Variants in SGMS2 observed in about 807,000 individuals in gnomAD.
SGMS2 encodes the protein phosphatidylcholine:ceramide cholinephosphotransferase 2.
SGMS2 carries 21 observed loss-of-function variants against 43.8 expected under a neutral mutation model. The observed-to-expected ratio is 0.48, with a 90% CI of 0.34 to 0.69. The LOEUF is 0.69. SGMS2 is among the 30% of genes least tolerant of loss of function. The pLI is 0.01. For missense variants in SGMS2, 384 were observed against 443.2 expected, an observed-to-expected ratio of 0.87 and a Z score of 1.20; for synonymous variants, 167 against 160.6, an observed-to-expected ratio of 1.04 and a Z score of -0.30.
rs1358174694 is a variant in SGMS2 at position 107,913,928 on chromosome 4, G to A, written c.*3375G>A. 1.3e-5 allele frequency: 2 copies of A among 152,022 alleles called. No individual in the cohort carries two copies. Among genetic ancestry groups the A allele is most frequent in the Non-Finnish European group, 2.9e-5 (2 of 67,988 alleles). 9.4% of individuals were successfully genotyped at this position (152,022 alleles called of 1,614,324 possible). ...TTCTTTTTTGTTTTTGTTTTGCACT[G>A]TAAAACTGATGAAAACTTTAAGCCA... On this transcript the variant is annotated 3_prime_UTR_variant, in exon 7 of 7. Coordinates refer to ENST00000690982, the MANE Select transcript of SGMS2 (RefSeq NM_001375905.1).
At chr4:107,843,242 C>G (rs536730004) in intron 1 of SGMS2, among the ~76,000 whole-genome samples, 1 of 151,860 alleles carries the variant, frequency 6.6e-6, no homozygotes, top group African/African-American at 2.4e-5. Flanking sequence ...TTCTGAGAAT[C>G]CTTTGATCCC....
intron 1 of SGMS2, among the ~76,000 whole-genome samples, chr4:107,855,982 T>C (rs1727406906): frequency 6.6e-6 from 1 of 152,082 alleles, no homozygotes; most frequent in African/African-American, 2.4e-5. Context: ...AAGTGTGGAG[T>C]TGGCCTTCAG....
At chr4:107,867,125 C>T (rs1728187538) in intron 2 of SGMS2, 2 of 152,206 alleles carry the variant, frequency 1.3e-5, no homozygotes, top group African/African-American at 4.8e-5. Flanking sequence ...CCTGAAGACA[C>T]ATGCACATGG....
At chr4:107,851,965 G>A (rs1408349131) in intron 1 of SGMS2, among the ~76,000 whole-genome samples, 2 of 152,022 alleles carry the variant, frequency 1.3e-5, no homozygotes, top group African/African-American at 2.4e-5. Context: ...CAGACTGAAT[G>A]CCTTTATTTG....
intron 1 of SGMS2, among the ~76,000 whole-genome samples, chr4:107,856,441 C>T (rs1439385495): frequency 2.0e-5 from 3 of 152,096 alleles, no homozygotes; most frequent in South Asian, 2.1e-4. Context: ...GGTTTGGCTA[C>T]GTAACTGAAT....
intron 1 of SGMS2, among the ~76,000 whole-genome samples, chr4:107,826,459 C>T (rs887754069): frequency 2.0e-5 from 3 of 152,182 alleles, no homozygotes; most frequent in Non-Finnish European, 4.4e-5. Context: ...CTGCCATTTA[C>T]TGTTTAAACA....
chr4:107,845,909 A>T lies in SGMS2; in HGVS notation c.-326-12563A>T, dbSNP rs141677394. ...ATAGGAGGCAGCAATGGAGTTACAG[A>T]TCTAAATGTTATGCCACCAAATGGA... On this transcript the variant is annotated intron_variant, in intron 1 of 6. Coordinates refer to ENST00000690982, the MANE Select transcript of SGMS2 (RefSeq NM_001375905.1). Among the ~76,000 whole-genome samples the T allele has an allele frequency of 5.6e-3, 860 of 152,324 alleles. 8 individuals are homozygous for T. Among genetic ancestry groups the T allele is most frequent in the African/African-American group, 0.02 (825 of 41,570 alleles).
At position 107,914,258 on chromosome 4, in the gene SGMS2, G is replaced by A. The variant is rs943824249; in HGVS notation, c.*3705G>A. The A allele has an allele frequency of 6.6e-6, 1 of 151,962 alleles. No individual in the cohort carries two copies. Among genetic ancestry groups the A allele is most frequent in the Admixed American group, 6.6e-5 (1 of 15,254 alleles). The allele number at this position is 151,962 out of a possible 1,614,324, so 9.4% of individuals were successfully genotyped here. A position where few individuals can be genotyped will look rare whatever the true frequency, so the allele number is the denominator to read the frequency against. Reference sequence around the variant, plus strand: ...TTTTATACAGATACACACCTTATAAGTTCTGATTTATTTTCTTACTCATTA... The same window carrying A: ...TTTTATACAGATACACACCTTATAAATTCTGATTTATTTTCTTACTCATTA... On this transcript the variant is annotated 3_prime_UTR_variant, in exon 7 of 7. Transcript: ENST00000690982.
intron 1 of SGMS2, among the ~76,000 whole-genome samples, chr4:107,842,425 CAA>C (rs1337462397): frequency 1.3e-5 from 2 of 152,142 alleles, no homozygotes; most frequent in African/African-American, 2.4e-5. Flanking sequence ...CATGTGAACT[CAA>C]AGTGAGAACT....
chr4:107,855,103 T>A (rs1010749290), intron 1 of SGMS2, among the ~76,000 whole-genome samples: 4 of 152,184 alleles, frequency 2.6e-5, no homozygotes, highest in African/African-American at 9.6e-5. Flanking sequence ...ATGCTCTATT[T>A]TAATCATTTA....
intron 6 of SGMS2, among the ~76,000 whole-genome samples, chr4:107,909,409 C>A (rs2126165082): frequency 6.6e-6 from 1 of 152,268 alleles, no homozygotes. Context: ...CCGTGCCCAG[C>A]CGATAGCAGC....
At chr4:107,852,239 ATT>A (rs982103122) in intron 1 of SGMS2, among the ~76,000 whole-genome samples, 1 of 145,396 alleles carries the variant, frequency 6.9e-6, no homozygotes, top group African/African-American at 2.5e-5. Context: ...CACCCAGCTA[ATT>A]TTTTTTTTTG....
chr4:107,845,353 A>C (rs988342231), intron 1 of SGMS2, among the ~76,000 whole-genome samples: 5 of 152,194 alleles, frequency 3.3e-5, no homozygotes, highest in African/African-American at 1.2e-4. Flanking sequence ...TCTGAAAGGA[A>C]GAGGAGCATG....
chr4:107,907,277 G>T (rs1046740431), intron 5 of SGMS2: 1 of 152,200 alleles, frequency 6.6e-6, no homozygotes, highest in Non-Finnish European at 1.5e-5. Context: ...TTTACCAAGA[G>T]ATTATATTTG....
At chr4:107,879,711 C>T (rs146413537) in intron 2 of SGMS2, among the ~76,000 whole-genome samples, 1 of 152,102 alleles carries the variant, frequency 6.6e-6, no homozygotes, top group African/African-American at 2.4e-5. Context: ...ATCCACCTGC[C>T]TCAGCTTCCC....
At chr4:107,849,977 C>T (rs1322706209) in intron 1 of SGMS2, among the ~76,000 whole-genome samples, 3 of 152,128 alleles carry the variant, frequency 2.0e-5, no homozygotes, top group Non-Finnish European at 4.4e-5. Context: ...TTATAATCCC[C>T]AGTATTGGAT....
intron 2 of SGMS2, among the ~76,000 whole-genome samples, chr4:107,885,172 A>G (rs1729650892): frequency 6.6e-6 from 1 of 152,184 alleles, no homozygotes; most frequent in African/African-American, 2.4e-5. Flanking sequence ...ATCTCCCTTT[A>G]GAAGGCAAAT....
At chr4:107,833,126 C>T (rs527833708) in intron 1 of SGMS2, among the ~76,000 whole-genome samples, 3 of 152,214 alleles carry the variant, frequency 2.0e-5, no homozygotes, top group Admixed American at 6.5e-5. Context: ...GGTGATGATC[C>T]GGGAAGGAAG....
chr4:107,899,633 A>G lies in SGMS2; in HGVS notation c.514A>G (p.Ile172Val), dbSNP rs534545752. ...TGGAACTTTATACCTGTATCGCTGC[A>G]TTACAATGTATGTTACTACTCTACC... Reference protein sequence around the residue: ...IIGTLYLYRCITMYVTTLPVP... With the variant: ...IIGTLYLYRCVTMYVTTLPVP... The change falls in exon 4 of 7, where the codon ATT (isoleucine) becomes GTT (valine). Residue 172 changes from isoleucine (I) to valine (V), a missense_variant. Transcript: ENST00000690982. 13 of 1,613,404 alleles carry G rather than the reference A, an allele frequency of 8.1e-6. No homozygotes were observed. The highest frequency in any genetic ancestry group is 1.0e-5 in the Non-Finnish European group (12 of 1,179,662).
Sources: allele counts gnomAD v4.1 joint callset (sites outside exome capture counted in the v4.1 genomes callset), GRCh38; gene constraint gnomAD v4.1.1; transcripts MANE v1.5; gene names NCBI Gene and HGNC (gene_info 2026-07-23, HGNC 2026-07-21).